Variants in CLEC16A observed in about 807,000 individuals in gnomAD.
CLEC16A encodes C-type lectin domain containing 16A, also known as protein CLEC16A.
A neutral mutation model predicts 109.5 loss-of-function variants in CLEC16A; 51 were observed. That is an observed-to-expected ratio of 0.47 (90% CI 0.37 to 0.59). The LOEUF (loss-of-function observed/expected upper bound fraction) is 0.59, where lower values mean the gene tolerates loss of function less well. Among genes scored for constraint, CLEC16A ranks in the 20% least tolerant of loss-of-function variants. CLEC16A has a pLI of 0.00. For synonymous variants in CLEC16A, 673 were observed against 564.2 expected (o/e 1.19, Z -2.73); for missense variants, 1,339 against 1,394.0 (o/e 0.96, Z 0.63).
intron 10 of CLEC16A, among the ~76,000 whole-genome samples, chr16:10,990,433 G>A (rs1316935956): frequency 6.6e-6 from 1 of 152,236 alleles, no homozygotes; most frequent in Non-Finnish European, 1.5e-5. Flanking sequence ...GGACAACTGA[G>A]GAGGGTCTCA....
chr16:10,986,521 T>C (rs191152864), intron 10 of CLEC16A, among the ~76,000 whole-genome samples: 1 of 152,340 alleles, frequency 6.6e-6, no homozygotes, highest in East Asian at 1.9e-4. Context: ...GCATGACTGA[T>C]ACTTCATACC....
At position 10,962,566 on chromosome 16, in the gene CLEC16A, C is replaced by T. The variant is rs1359921522; in HGVS notation, c.321C>T (p.Asn107=). 2 of 1,613,740 alleles carry T rather than the reference C, an allele frequency of 1.2e-6. No homozygotes were observed. The highest frequency in any genetic ancestry group is 2.7e-5 in the African/African-American group (2 of 74,902). The change falls in exon 3 of 24, where the codon AAC becomes AAT. Residue 107 remains asparagine, a synonymous_variant. Transcript: ENST00000409790. ...AGACCTTGAACATCCTCTTTGAGAA[C>T]ATCAGTCACGAGACCTCACTTTGTA... ...LLQTLNILFE[N]ISHETSLYYL... is the part of the protein sequence containing the mutation.
intron 19 of CLEC16A, among the ~76,000 whole-genome samples, chr16:11,076,362 G>T (rs1229259120): frequency 6.6e-6 from 1 of 152,186 alleles, no homozygotes; most frequent in African/African-American, 2.4e-5. Flanking sequence ...ACAACATCTG[G>T]CTGACGGGGA....
intron 14 of CLEC16A, chr16:11,040,734 G>T (rs1194898740): frequency 6.6e-6 from 1 of 152,002 alleles, no homozygotes; most frequent in Admixed American, 6.6e-5. Context: ...GACTGGTCTC[G>T]AACTCCTGAC....
At position 11,003,134 on chromosome 16, in the gene CLEC16A, A is replaced by T; in HGVS notation, c.1132A>T (p.Met378Leu). 1 of 1,613,690 alleles carries T rather than the reference A, an allele frequency of 6.2e-7. No homozygotes were observed. Among genetic ancestry groups the T allele is most frequent in the Non-Finnish European group, 8.5e-7 (1 of 1,179,846 alleles). The change falls in exon 11 of 24, where the codon ATG becomes TTG. Residue 378 changes from methionine (M) to leucine (L), a missense_variant. Physicochemically the swap from Met to Leu is conservative, Grantham distance 15. This residue lies in a region of CLEC16A where 1,061 missense variants were observed against 1,006.8 expected (regional missense o/e 1.05). Coordinates refer to ENST00000409790, the MANE Select transcript of CLEC16A (RefSeq NM_015226.3). ...PTETLERSLE[M>L]NKHKGKRRVQ... ...CGAGACACTCGAGCGGTCCCTTGAGATGAACAAGCACAAGGGCAAGAGGCG... is the reference window on the plus strand; with the variant it reads ...CGAGACACTCGAGCGGTCCCTTGAGTTGAACAAGCACAAGGGCAAGAGGCG...
chr16:11,106,916 T>C (rs1272039669), intron 19 of CLEC16A, among the ~76,000 whole-genome samples: 1 of 152,116 alleles, frequency 6.6e-6, no homozygotes, highest in Non-Finnish European at 1.5e-5. Context: ...AGGCCCGGCT[T>C]GGGACTGTTG....
chr16:11,035,002 G>C (rs536380682), intron 13 of CLEC16A, among the ~76,000 whole-genome samples: 122 of 152,238 alleles, frequency 8.0e-4, no homozygotes, highest in African/African-American at 2.9e-3. Flanking sequence ...CCCTGTTACA[G>C]GGTGACATTG....
intron 23 of CLEC16A, among the ~76,000 whole-genome samples, chr16:11,176,466 G>A (rs2068750805): frequency 2.6e-5 from 4 of 152,140 alleles, no homozygotes; most frequent in Admixed American, 2.0e-4. Flanking sequence ...GGGCACGGTG[G>A]TTCACACCTG....
At chr16:10,949,999 A>T (rs1273452789) in intron 1 of CLEC16A, among the ~76,000 whole-genome samples, 3 of 152,202 alleles carry the variant, frequency 2.0e-5, no homozygotes, top group Non-Finnish European at 4.4e-5. Flanking sequence ...ACTTCAGCCA[A>T]CAAGAGTTTT....
intron 1 of CLEC16A, among the ~76,000 whole-genome samples, chr16:10,946,652 C>G (rs1471574156): frequency 1.3e-5 from 2 of 152,108 alleles, no homozygotes; most frequent in Non-Finnish European, 2.9e-5. Context: ...CATCCAGGTA[C>G]CTCCAGGTTC....
At chr16:11,171,798 G>A (rs1239863948) in intron 23 of CLEC16A, among the ~76,000 whole-genome samples, 2 of 151,890 alleles carry the variant, frequency 1.3e-5, no homozygotes, top group African/African-American at 2.4e-5. Flanking sequence ...ATGCCAATGC[G>A]CATGTTCATA....
intron 19 of CLEC16A, among the ~76,000 whole-genome samples, chr16:11,104,457 C>T (rs2051101887): frequency 6.6e-6 from 1 of 152,168 alleles, no homozygotes; most frequent in Non-Finnish European, 1.5e-5. Flanking sequence ...ATTCTCTAGA[C>T]TATGTCCTCT....
chr16:11,010,678 A>G (rs1344672484), intron 11 of CLEC16A, among the ~76,000 whole-genome samples: 1 of 152,142 alleles, frequency 6.6e-6, no homozygotes, highest in Non-Finnish European at 1.5e-5. Context: ...AATTCATAGT[A>G]TTCTCCTGCT....
intron 10 of CLEC16A, among the ~76,000 whole-genome samples, chr16:10,989,960 G>A (rs75289694): frequency 7.2e-5 from 11 of 152,252 alleles, no homozygotes; most frequent in East Asian, 5.8e-4. Context: ...CACCCCTTCC[G>A]GCCAGGATTA....
intron 13 of CLEC16A, among the ~76,000 whole-genome samples, chr16:11,035,806 G>C (rs988715658): frequency 6.6e-6 from 1 of 152,162 alleles, no homozygotes; most frequent in Non-Finnish European, 1.5e-5. Flanking sequence ...TGGTGATTTT[G>C]TTGTTGTTTG....
intron 19 of CLEC16A, among the ~76,000 whole-genome samples, chr16:11,081,504 A>C (rs563035342): frequency 3.9e-5 from 6 of 151,944 alleles, no homozygotes; most frequent in African/African-American, 1.4e-4. Context: ...ACGTCTCCCC[A>C]AGCTCTCCTT....
At chr16:11,070,316 C>T (rs1026999305) in intron 19 of CLEC16A, among the ~76,000 whole-genome samples, 42 of 151,980 alleles carry the variant, frequency 2.8e-4, no homozygotes, top group Non-Finnish European at 2.4e-4. Context: ...GTGATCCGCC[C>T]GCCTCGGCCT....
intron 22 of CLEC16A, among the ~76,000 whole-genome samples, chr16:11,144,263 G>C (rs2053960747): frequency 1.3e-5 from 2 of 152,180 alleles, no homozygotes; most frequent in Admixed American, 1.3e-4. Flanking sequence ...TCCTCTTGGG[G>C]CGTCCCTGCA....
At chr16:11,149,793 A>T (rs2054221832) in intron 22 of CLEC16A, 1 of 152,166 alleles carries the variant, frequency 6.6e-6, no homozygotes, top group Admixed American at 6.6e-5. Context: ...TCTTAAAAAA[A>T]AAAAAAAAAT....
Sources: gnomAD v4.1 joint callset for allele counts (sites outside exome capture counted in the v4.1 genomes callset) on GRCh38, gnomAD v4.1.1 for gene constraint, gnomAD v4.1.1 regional missense constraint, MANE v1.5 for transcripts, NCBI Gene and HGNC (gene_info 2026-07-23, HGNC 2026-07-21) for gene names.